SS18L1: variants seen among roughly 807,000 people sequenced by gnomAD.
The protein encoded by SS18L1 is SS18L1 subunit of BAF chromatin remodeling complex.
A neutral mutation model predicts 70.3 loss-of-function variants in SS18L1; 32 were observed. The observed-to-expected ratio is 0.46, with a 90% CI of 0.34 to 0.61. SS18L1 has a LOEUF of 0.61. SS18L1 is among the 20% of genes least tolerant of loss of function. The pLI, the probability that SS18L1 is intolerant of heterozygous loss-of-function variation, is 0.01. For missense variants in SS18L1, 430 were observed against 542.1 expected, an observed-to-expected ratio of 0.79 and a Z score of 2.05; for synonymous variants, 237 against 229.7, an observed-to-expected ratio of 1.03 and a Z score of -0.29.
intron 9 of SS18L1, among the ~76,000 whole-genome samples, chr20:62,173,622 T>G (rs1041451880): frequency 1.3e-5 from 2 of 151,872 alleles, no homozygotes; most frequent in Non-Finnish European, 2.9e-5. Context: ...GACAGGAGAA[T>G]TGCTTGAACC....
chr20:62,181,256 G>A lies in SS18L1; in HGVS notation c.*2048G>A, dbSNP rs113897359. ...ACGTATGTGTTCATATTCGATCACC[G>A]AAATGAGAGTTCTTAATTGCTAATT... On this transcript the variant is annotated 3_prime_UTR_variant, in exon 11 of 11. Coordinates refer to ENST00000331758, the MANE Select transcript of SS18L1 (RefSeq NM_198935.3). 2 of 206,576 alleles carry A rather than the reference G, an allele frequency of 9.7e-6. No individual in the cohort carries two copies. Among genetic ancestry groups the A allele is most frequent in the East Asian group, 7.4e-5 (1 of 13,564 alleles). 12.8% of individuals were successfully genotyped at this position (206,576 alleles called of 1,614,324 possible). A position where few individuals can be genotyped will look rare whatever the true frequency, so the allele number is the denominator to read the frequency against.
intron 1 of SS18L1, chr20:62,154,604 C>T (rs1034496438): frequency 5.5e-6 from 5 of 917,248 alleles, no homozygotes; most frequent in Middle Eastern, 5.2e-4. Context: ...TCCGTGAGGT[C>T]GTTGCACCCT....
chr20:62,176,224 T>C (rs928180876), intron 10 of SS18L1, among the ~76,000 whole-genome samples: 7 of 152,222 alleles, frequency 4.6e-5, no homozygotes, highest in African/African-American at 1.7e-4. Context: ...TACCTACCTA[T>C]GAAAAGACCG....
In SS18L1 at chr20:62,162,760, C is replaced by T; in HGVS notation, c.385C>T (p.His129Tyr). ...CCTGCTCCCCATGCCAGGGCCGAGC[C>T]ACGTGTCCATGCAGCAGACGGCGCC... ...LQGQIGNGPS[H>Y]VSMQQTAPNT... Residue 129 changes from histidine to tyrosine, a missense_variant, in exon 5 of 11, where the codon CAC becomes TAC. His to Tyr is a moderately conservative substitution (Grantham distance 83). Coordinates refer to ENST00000331758, the MANE Select transcript of SS18L1 (RefSeq NM_198935.3). The T allele has an allele frequency of 1.9e-6, 3 of 1,608,534 alleles. No homozygotes were observed. The highest frequency in any genetic ancestry group is 2.5e-6 in the Non-Finnish European group (3 of 1,176,726).
chr20:62,163,036 G>A, intron 5 of SS18L1, 105 bp downstream of exon 5: 1 of 1,425,214 alleles, frequency 7.0e-7, no homozygotes, highest in Non-Finnish European at 9.5e-7. Flanking sequence ...CCTCCTGCTG[G>A]GTGCTGGAGG....
chr20:62,157,102 G>A (rs2057237222), intron 1 of SS18L1, among the ~76,000 whole-genome samples: 1 of 152,102 alleles, frequency 6.6e-6, no homozygotes, highest in African/African-American at 2.4e-5. Flanking sequence ...CTGCCCCCAG[G>A]TGGACACCTT....
intron 6 of SS18L1, among the ~76,000 whole-genome samples, 200 bp downstream of exon 6, chr20:62,163,822 T>C (rs990058322): frequency 6.6e-6 from 1 of 151,704 alleles, no homozygotes; most frequent in Admixed American, 6.6e-5. Flanking sequence ...GGGTCTGCTG[T>C]CCCCGAGGAG....
intron 1 of SS18L1, among the ~76,000 whole-genome samples, chr20:62,151,593 A>G (rs1253598316): frequency 1.3e-5 from 2 of 152,192 alleles, no homozygotes; most frequent in African/African-American, 4.8e-5. Context: ...AGCCAAGCCC[A>G]GCAGAAGATC....
Position 62,174,302 on chromosome 20 carries a change from GC to G in SS18L1, c.1037-214del, listed in dbSNP as rs2057582086. Reference sequence around the variant, plus strand: ...CCTGGGACCTCACAGGACTGGAGGGGCTGGTGAGTCGGTTACGTGGTGCTCT... The same window carrying G: ...CCTGGGACCTCACAGGACTGGAGGGGTGGTGAGTCGGTTACGTGGTGCTCT... On this transcript the variant is annotated intron_variant, in intron 9 of 10. Coordinates refer to ENST00000331758, the MANE Select transcript of SS18L1 (RefSeq NM_198935.3). This position sits in a 1 kb window ranked among gnomAD's most constrained non-coding sequence, Gnocchi z 4.1. Among the ~76,000 whole-genome samples the G allele has an allele frequency of 6.6e-6, 1 of 152,118 alleles. No homozygotes were observed. Among genetic ancestry groups the G allele is most frequent in the Admixed American group, 6.5e-5 (1 of 15,280 alleles).
chr20:62,160,284 A>G (rs1288119388), intron 3 of SS18L1, among the ~76,000 whole-genome samples: 14 of 74,390 alleles, frequency 1.9e-4, no homozygotes, highest in Admixed American at 1.7e-3. Flanking sequence ...GGATGGGGAG[A>G]GGTGGGGTGG....
intron 7 of SS18L1, among the ~76,000 whole-genome samples, chr20:62,164,705 C>G (rs138725476): frequency 6.6e-6 from 1 of 152,176 alleles, no homozygotes; most frequent in African/African-American, 2.4e-5. Context: ...TCAGTCTTTG[C>G]ATAGTCCCAG....
chr20:62,160,178 T>A (rs1440235283), intron 3 of SS18L1, among the ~76,000 whole-genome samples: 1 of 142,612 alleles, frequency 7.0e-6, no homozygotes, highest in Non-Finnish European at 1.5e-5. Context: ...AGGTCAGAAC[T>A]GTGGCTCAGC....
intron 1 of SS18L1, among the ~76,000 whole-genome samples, chr20:62,146,605 A>ATTTTTTGTTTTTTTTTTTTTTTTTTTT (rs2057031912): frequency 1.3e-5 from 1 of 79,714 alleles, no homozygotes; most frequent in Non-Finnish European, 2.2e-5. Context: ...TGCTTTGATC[A>ATTTTTTGTTTTTTTTTTTTTTTTTTTT]TTTTTTTTTT....
chr20:62,160,312 T>G (rs1032235714), intron 3 of SS18L1, among the ~76,000 whole-genome samples: 30 of 36,666 alleles, frequency 8.2e-4, no homozygotes, highest in African/African-American at 8.1e-4. Flanking sequence ...TGGGGTGGGG[T>G]GGGGAGAGGT....
chr20:62,181,239 G>C lies in SS18L1; in HGVS notation c.*2031G>C, dbSNP rs747145656. 21 of 204,298 alleles carry C rather than the reference G, an allele frequency of 1.0e-4. No individual in the cohort carries two copies. Among genetic ancestry groups the C allele is most frequent in the Non-Finnish European group, 1.8e-4 (18 of 99,594 alleles). The allele number at this position is 204,298 out of a possible 1,614,324, so 12.7% of individuals were successfully genotyped here. A position where few individuals can be genotyped will look rare whatever the true frequency, so the allele number is the denominator to read the frequency against. On this transcript the variant is annotated 3_prime_UTR_variant, in exon 11 of 11. Coordinates refer to ENST00000331758, the MANE Select transcript of SS18L1 (RefSeq NM_198935.3). Reference sequence around the variant, plus strand: ...TAAGGGCTCAAAAATAAACGTATGTGTTCATATTCGATCACCGAAATGAGA... The same window carrying C: ...TAAGGGCTCAAAAATAAACGTATGTCTTCATATTCGATCACCGAAATGAGA...
intron 1 of SS18L1, among the ~76,000 whole-genome samples, chr20:62,146,204 G>A (rs1336594291): frequency 6.6e-6 from 1 of 152,226 alleles, no homozygotes; most frequent in Non-Finnish European, 1.5e-5. Context: ...TCACTCACGT[G>A]TTCCGCGTCT....
In SS18L1 at chr20:62,161,619, G is replaced by A. The variant is rs1311371424; in HGVS notation, c.376+39G>A. 5.0e-6 allele frequency: 8 copies of A among 1,584,336 alleles called. No individual in the cohort carries two copies. The highest frequency in any genetic ancestry group is 6.9e-6 in the Non-Finnish European group (8 of 1,159,474). ...GGGAGGAGGACGTTCCTGGCTACGA[G>A]GCCACCAAGGCAGCCCTTGGGCAGC... On this transcript the variant is annotated intron_variant, in intron 4 of 10. Coordinates refer to ENST00000331758, the MANE Select transcript of SS18L1 (RefSeq NM_198935.3). This position sits in a 1 kb window ranked among gnomAD's most constrained non-coding sequence, Gnocchi z 4.4.
chr20:62,179,054 G>A (rs555783358), intron 10 of SS18L1, 128 bp from the exon 11 acceptor site: 39 of 1,001,156 alleles, frequency 3.9e-5, no homozygotes, highest in Middle Eastern at 2.1e-4. Context: ...TCGCTGCCCC[G>A]CAGAGATGTG....
At chr20:62,173,234 C>T (rs529584510) in intron 9 of SS18L1, among the ~76,000 whole-genome samples, 38 of 152,340 alleles carry the variant, frequency 2.5e-4, no homozygotes, top group Middle Eastern at 3.4e-3. Flanking sequence ...TCAGCCTTCA[C>T]TGCAGCTTAC....
Sources: gnomAD v4.1 joint callset for allele counts (sites outside exome capture counted in the v4.1 genomes callset) on GRCh38, gnomAD v4.1.1 for gene constraint, Gnocchi (gnomAD v3.1) non-coding constraint, MANE v1.5 for transcripts, NCBI Gene and HGNC (gene_info 2026-07-23, HGNC 2026-07-21) for gene names.